Variants in CCSER1 observed in about 807,000 individuals in gnomAD.
CCSER1 encodes coiled-coil serine rich protein 1.
In CCSER1, 41 loss-of-function variants were observed where a neutral mutation model predicts 82.0. That is an observed-to-expected ratio of 0.50 (90% confidence interval 0.39 to 0.65). CCSER1 has a LOEUF of 0.65. Ranked by LOEUF, CCSER1 falls within the 30% of genes least tolerant of loss-of-function variation. CCSER1 has a pLI of 0.00. For missense variants in CCSER1, 1,119 were observed against 1,064.2 expected, an observed-to-expected ratio of 1.05 and a Z score of -0.72; for synonymous variants, 414 against 383.9, an observed-to-expected ratio of 1.08 and a Z score of -0.92.
intron 1 of CCSER1, 111 bp from the exon 2 acceptor site, chr4:90,308,131 CTT>C (rs1346861522): frequency 7.5e-6 from 6 of 801,618 alleles, no homozygotes; most frequent in Admixed American, 3.5e-5. Flanking sequence ...TATTTATCGT[CTT>C]AGTATAAACT....
At position 90,932,994 on chromosome 4, in the gene CCSER1, A is replaced by AAGAAAGAAG. The variant is rs1730276980; in HGVS notation, c.2172+9555_2172+9556insGAGAAAGAA. 3.3e-5 allele frequency among the ~76,000 whole-genome samples: 2 copies of AAGAAAGAAG among 60,406 alleles called. 1 individual carries two copies. The highest frequency in any genetic ancestry group is 5.9e-5 in the Non-Finnish European group (2 of 33,684). The allele number at this position is 60,406 out of a possible 152,430, so 39.6% of individuals were successfully genotyped here. A position where few individuals can be genotyped will look rare whatever the true frequency, so the allele number is the denominator to read the frequency against. ...AGAAAGAAAGAAAGAGAAAGAAAGA[A>AAGAAAGAAG]AGAAAGAAAGAAAGAAAGAAAGAAA... On this transcript the variant is annotated intron_variant, in intron 9 of 10. Coordinates refer to ENST00000509176, the MANE Select transcript of CCSER1 (RefSeq NM_001145065.2).
chr4:91,280,265 G>A (rs1003226124), intron 10 of CCSER1, among the ~76,000 whole-genome samples: 5 of 152,186 alleles, frequency 3.3e-5, no homozygotes, highest in African/African-American at 1.2e-4. Context: ...ACAACAATGG[G>A]TCAGGTAGGT....
At position 91,090,750 on chromosome 4, in the gene CCSER1, T is replaced by C. The variant is rs182564699; in HGVS notation, c.2217+4756T>C. On this transcript the variant is annotated intron_variant, in intron 10 of 10. Transcript: ENST00000509176. ...TAATTGCAAAAACAAATTTCTAGTT[T>C]TTCCTGGAATTTCAGGTACTGGCAC... Among the ~76,000 whole-genome samples, 4 of 152,358 alleles carry C rather than the reference T, an allele frequency of 2.6e-5. No homozygotes were observed. In the East Asian group the frequency reaches 7.7e-4, roughly 29 times the overall value.
intron 7 of CCSER1, among the ~76,000 whole-genome samples, chr4:90,788,324 G>A (rs1391778431): frequency 2.6e-5 from 4 of 152,062 alleles, no homozygotes; most frequent in African/African-American, 4.8e-5. Flanking sequence ...CTATGTATTA[G>A]TTTCCTAAGG....
In CCSER1 at chr4:91,360,383, T is replaced by A. The variant is rs1050570567; in HGVS notation, c.2218-238189T>A. ...AAATGCTATTCACTACATTATGAACTGGGAATAAAACTAATAGTTAAGACA... is the reference window on the plus strand; with the variant it reads ...AAATGCTATTCACTACATTATGAACAGGGAATAAAACTAATAGTTAAGACA... On this transcript the variant is annotated intron_variant, in intron 10 of 10. Coordinates refer to ENST00000509176, the MANE Select transcript of CCSER1 (RefSeq NM_001145065.2). Among the ~76,000 whole-genome samples, 4 of 151,500 alleles carry A rather than the reference T, an allele frequency of 2.6e-5. 1 individual carries two copies. Among genetic ancestry groups the A allele is most frequent in the Admixed American group, 2.0e-4 (3 of 15,144 alleles).
chr4:91,564,245 T>C (rs1762782983), intron 10 of CCSER1, among the ~76,000 whole-genome samples: 1 of 151,910 alleles, frequency 6.6e-6, no homozygotes, highest in Non-Finnish European at 1.5e-5. Context: ...TATGAAGACA[T>C]AGTATTCCAT....
intron 9 of CCSER1, among the ~76,000 whole-genome samples, chr4:90,925,379 T>G (rs2150259079): frequency 6.6e-6 from 1 of 152,318 alleles, no homozygotes; most frequent in East Asian, 1.9e-4. Flanking sequence ...TACATTTGGA[T>G]TCAAATTTTC....
At chr4:90,276,995 T>A (rs1221407225) in intron 1 of CCSER1, among the ~76,000 whole-genome samples, 1 of 152,148 alleles carries the variant, frequency 6.6e-6, no homozygotes, top group African/African-American at 2.4e-5. Flanking sequence ...TCTAGGAGAT[T>A]TTTGGCAGAG....
At chr4:91,481,250 T>C (rs1358574268) in intron 10 of CCSER1, among the ~76,000 whole-genome samples, 1 of 151,910 alleles carries the variant, frequency 6.6e-6, no homozygotes, top group Non-Finnish European at 1.5e-5. Flanking sequence ...AACAGAAACA[T>C]ATTTTCTTAT....
chr4:91,061,210 G>GA (rs1221688738), intron 9 of CCSER1, among the ~76,000 whole-genome samples: 6 of 150,900 alleles, frequency 4.0e-5, no homozygotes, highest in Non-Finnish European at 8.9e-5. Flanking sequence ...TATAGTAAAT[G>GA]AAAAAAATAT....
At chr4:91,234,748 G>T (rs1158379593) in intron 10 of CCSER1, among the ~76,000 whole-genome samples, 1 of 152,192 alleles carries the variant, frequency 6.6e-6, no homozygotes, top group East Asian at 1.9e-4. Context: ...TCAAATTTGT[G>T]AAAGCTTTAA....
chr4:91,318,255 C>T (rs775158289), intron 10 of CCSER1, among the ~76,000 whole-genome samples: 21 of 151,978 alleles, frequency 1.4e-4, no homozygotes, highest in African/African-American at 4.1e-4. Flanking sequence ...GAAGTTTAGG[C>T]GGTCACTGAT....
rs77768534 is a variant in CCSER1, at chr4:90,531,396, C to CTT, written c.1724+63058_1724+63059dup. ...AGTGAGATTCATACACTGCAGGTTTCTTTTTTTTTTTTTTTTTAACTTTTC... is the reference window on the plus strand; with the variant it reads ...AGTGAGATTCATACACTGCAGGTTTCTTTTTTTTTTTTTTTTTTTAACTTTTC... On this transcript the variant is annotated intron_variant, in intron 5 of 10. Coordinates refer to ENST00000509176, the MANE Select transcript of CCSER1 (RefSeq NM_001145065.2). Among the ~76,000 whole-genome samples, 31 of 130,220 alleles carry CTT rather than the reference C, an allele frequency of 2.4e-4. No homozygotes were observed. In the East Asian group the frequency reaches 3.5e-3, roughly 15 times the overall value. The allele number at this position is 130,220 out of a possible 152,430, so 85.4% of individuals were successfully genotyped here.
chr4:91,193,561 C>T (rs1735173211), intron 10 of CCSER1, among the ~76,000 whole-genome samples: 1 of 152,102 alleles, frequency 6.6e-6, no homozygotes, highest in African/African-American at 2.4e-5. Flanking sequence ...ATCAGCATTA[C>T]TGTAAAGTAC....
chr4:90,401,491 A>G (rs750187332), intron 4 of CCSER1, among the ~76,000 whole-genome samples: 1 of 152,208 alleles, frequency 6.6e-6, no homozygotes, highest in Non-Finnish European at 1.5e-5. Flanking sequence ...GGAGGACAGT[A>G]TCCAAATCTG....
intron 10 of CCSER1, among the ~76,000 whole-genome samples, chr4:91,490,318 T>G (rs1410669084): frequency 6.6e-6 from 1 of 152,128 alleles, no homozygotes; most frequent in African/African-American, 2.4e-5. Context: ...CTATTCACAG[T>G]AGTCAAGATT....
At position 90,841,852 on chromosome 4, in the gene CCSER1, A is replaced by T. The variant is rs529715541; in HGVS notation, c.2094+26007A>T. On this transcript the variant is annotated intron_variant, in intron 8 of 10. Transcript: ENST00000509176. ...TTCATTATTTCTAACAATAAGCCAA[A>T]CTCCAAAGTAAAAAACTGTGGTTTC... Among the ~76,000 whole-genome samples the T allele has an allele frequency of 2.0e-5, 3 of 152,246 alleles. No homozygotes were observed. In the South Asian group the frequency reaches 6.2e-4, roughly 32 times the overall value.
At chr4:91,119,113 C>G (rs993265844) in intron 10 of CCSER1, among the ~76,000 whole-genome samples, 2 of 152,060 alleles carry the variant, frequency 1.3e-5, no homozygotes, top group South Asian at 4.1e-4. Context: ...TAAATCATTC[C>G]CATAATACAT....
intron 10 of CCSER1, among the ~76,000 whole-genome samples, chr4:91,527,418 T>C (rs1352091212): frequency 6.6e-6 from 1 of 152,204 alleles, no homozygotes; most frequent in Admixed American, 6.5e-5. Flanking sequence ...TGTATTTGGA[T>C]GAAGCAATTT....
Sources: gnomAD v4.1 joint callset for allele counts (sites outside exome capture counted in the v4.1 genomes callset) on GRCh38, gnomAD v4.1.1 for gene constraint, MANE v1.5 for transcripts, NCBI Gene and HGNC (gene_info 2026-07-23, HGNC 2026-07-21) for gene names.